Variants in BDP1 observed in about 807,000 individuals in gnomAD.
BDP1 encodes BDP1 general transcription factor IIIB subunit.
BDP1 carries 169 observed loss-of-function variants against 266.6 expected under a neutral mutation model. The ratio of observed to expected loss-of-function variants is 0.63; its 90% confidence interval spans 0.56 to 0.72. BDP1 has a LOEUF of 0.72. BDP1 is among the 30% of genes least tolerant of loss of function. BDP1 has a pLI of 0.00. For missense variants in BDP1, 3,015 were observed against 3,053.8 expected, an observed-to-expected ratio of 0.99 and a Z score of 0.30; for synonymous variants, 1,090 against 1,022.4, an observed-to-expected ratio of 1.07 and a Z score of -1.26.
intron 13 of BDP1, among the ~76,000 whole-genome samples, chr5:71,500,395 G>C (rs1255473066): frequency 7.3e-6 from 1 of 137,238 alleles, no homozygotes; most frequent in East Asian, 2.1e-4. Flanking sequence ...TGTGATTTCG[G>C]CTCACAGCAA....
chr5:71,533,647 A>G lies in BDP1; in HGVS notation c.5892+1220A>G, dbSNP rs575285082. ...TGCCCAGCTAATTTTTTTTTTTTGT[A>G]GAGGTGGGGTCTTGCTGTGTTGTTC... On this transcript the variant is annotated intron_variant, in intron 26 of 38. Transcript: ENST00000358731. Among the ~76,000 whole-genome samples the G allele has an allele frequency of 9.7e-4, 145 of 149,046 alleles. 2 individuals are homozygous for G. The highest frequency in any genetic ancestry group is 3.0e-3 in the African/African-American group (121 of 40,440).
At chr5:71,460,871 A>G (rs886877726) in intron 2 of BDP1, among the ~76,000 whole-genome samples, 2 of 120,512 alleles carry the variant, frequency 1.7e-5, no homozygotes, top group African/African-American at 2.8e-5. Context: ...AAGTCACTAC[A>G]GGGTAAAAAA....
intron 6 of BDP1, among the ~76,000 whole-genome samples, chr5:71,468,948 A>T (rs1762074128): frequency 6.6e-6 from 1 of 152,168 alleles, no homozygotes; most frequent in African/African-American, 2.4e-5. Flanking sequence ...TCTACCTCAG[A>T]TAATATTGTA....
intron 23 of BDP1, 64 bp downstream of exon 23, chr5:71,522,554 A>G: frequency 7.2e-7 from 1 of 1,379,528 alleles, no homozygotes. Context: ...TGTCAAGATC[A>G]TGAAGAGCAT....
chr5:71,511,164 C>T lies in BDP1; in HGVS notation c.4059+13C>T. 6.3e-7 allele frequency: 1 copy of T among 1,582,986 alleles called. No individual in the cohort carries two copies. Among genetic ancestry groups the T allele is most frequent in the South Asian group, 1.2e-5 (1 of 85,250 alleles). On this transcript the variant is annotated intron_variant, in intron 17 of 38. Transcript: ENST00000358731. ...ACTAGATATTCAGGTATGTATTTTT[C>T]TGTCCTTTAAAAGTTTTTTGAATGC...
In BDP1 at chr5:71,501,567, C is replaced by G; in HGVS notation, c.1962C>G (p.His654Gln). ...GTAGCAAATTAAATTCACAGAACCA[C>G]GTGGAAAAAGATAAAATGAATACAT... ...SHSKTSVEKN[H>Q]VEKDKMNTLD... The change falls in exon 14 of 39, where the codon CAC (histidine) becomes CAG (glutamine). Residue 654 changes from histidine (H) to glutamine (Q), a missense_variant. Physicochemically the swap from His to Gln is conservative, Grantham distance 24 (BLOSUM62 0). Coordinates refer to ENST00000358731, the MANE Select transcript of BDP1 (RefSeq NM_018429.3). 2 of 1,567,640 alleles carry G rather than the reference C, an allele frequency of 1.3e-6. No homozygotes were observed. The highest frequency in any genetic ancestry group is 2.2e-5 in the East Asian group (1 of 44,474).
intron 37 of BDP1, 69 bp downstream of exon 37, chr5:71,560,306 A>T: frequency 6.7e-7 from 1 of 1,481,770 alleles, no homozygotes; most frequent in East Asian, 2.3e-5. Flanking sequence ...TACAGAACAG[A>T]TTAGATCCAG....
chr5:71,524,633 A>T (rs898369459), intron 25 of BDP1, among the ~76,000 whole-genome samples: 14 of 129,584 alleles, frequency 1.1e-4, no homozygotes, highest in South Asian at 8.4e-4. Flanking sequence ...TTATTTATTT[A>T]TTTTTTATTT....
In BDP1 at chr5:71,539,425, G is replaced by T. The variant is rs7726942; in HGVS notation, c.5930-132G>T. Reference sequence around the variant, plus strand: ...ATAACCTGAACAAAAGACTACCTTAGTAAGGGATTAATGGCTCAGAGGATA... The same window carrying T: ...ATAACCTGAACAAAAGACTACCTTATTAAGGGATTAATGGCTCAGAGGATA... On this transcript the variant is annotated intron_variant, in intron 27 of 38. Coordinates refer to ENST00000358731, the MANE Select transcript of BDP1 (RefSeq NM_018429.3). The T allele has an allele frequency of 9.1e-6, 6 of 657,602 alleles. No homozygotes were observed. In the African/African-American group the frequency reaches 1.1e-4, roughly 12 times the overall value. 40.7% of individuals were successfully genotyped at this position (657,602 alleles called of 1,614,324 possible).
Position 71,523,843 on chromosome 5 carries a change from A to C in BDP1, c.5388-96A>C, listed in dbSNP as rs1765631683. 3 of 1,256,188 alleles carry C rather than the reference A, an allele frequency of 2.4e-6. No homozygotes were observed. In the East Asian group the frequency reaches 7.0e-5, roughly 29 times the overall value. The allele number at this position is 1,256,188 out of a possible 1,614,324, so 77.8% of individuals were successfully genotyped here. On this transcript the variant is annotated intron_variant, in intron 24 of 38. Coordinates refer to ENST00000358731, the MANE Select transcript of BDP1 (RefSeq NM_018429.3). ...ATGGGTGGTGGGAATTTTCATTTTA[A>C]TGACTGGAACTGGAATTTCACTCTA...
chr5:71,495,888 G>A (rs1763857885), intron 12 of BDP1, among the ~76,000 whole-genome samples: 1 of 152,148 alleles, frequency 6.6e-6, no homozygotes, highest in Non-Finnish European at 1.5e-5. Context: ...GTATCTGAAA[G>A]TTTTATACTT....
In BDP1 at chr5:71,488,992, G is replaced by A. The variant is rs1035857806; in HGVS notation, c.1214-412G>A. Reference sequence around the variant, plus strand: ...CAAAGTGCTGGGATTACAGGTGTGAGCCACCATGCCCAGCCTGTATTAAAT... The same window carrying A: ...CAAAGTGCTGGGATTACAGGTGTGAACCACCATGCCCAGCCTGTATTAAAT... On this transcript the variant is annotated intron_variant, in intron 9 of 38. Transcript: ENST00000358731. Among the ~76,000 whole-genome samples the A allele has an allele frequency of 6.9e-4, 105 of 152,326 alleles. 1 individual carries two copies. The highest frequency in any genetic ancestry group is 2.3e-3 in the African/African-American group (95 of 41,572).
At chr5:71,505,470 G>A (rs1275168331) in intron 16 of BDP1, among the ~76,000 whole-genome samples, 1 of 152,048 alleles carries the variant, frequency 6.6e-6, no homozygotes. Flanking sequence ...AACCCATACT[G>A]CTTATAGTCA....
intron 7 of BDP1, among the ~76,000 whole-genome samples, chr5:71,474,452 G>T (rs189299360): frequency 6.6e-6 from 1 of 151,756 alleles, no homozygotes; most frequent in East Asian, 1.9e-4. Flanking sequence ...CTCCCAAGAA[G>T]TTGGGACTAT....
intron 6 of BDP1, among the ~76,000 whole-genome samples, chr5:71,468,670 G>A (rs1762057700): frequency 2.0e-5 from 3 of 147,690 alleles, no homozygotes; most frequent in South Asian, 4.3e-4. Context: ...GCGGTGGCGC[G>A]ATCTCGGCTC....
At chr5:71,457,375 G>T (rs1195159258) in intron 1 of BDP1, among the ~76,000 whole-genome samples, 1 of 147,224 alleles carries the variant, frequency 6.8e-6, no homozygotes, top group African/African-American at 2.5e-5. Flanking sequence ...AGGCTGAAGT[G>T]CAGTGGTACG....
At chr5:71,564,001 T>C (rs1743859290) in intron 38 of BDP1, among the ~76,000 whole-genome samples, 1 of 152,240 alleles carries the variant, frequency 6.6e-6, no homozygotes, top group Admixed American at 6.5e-5. Flanking sequence ...TTTTAAAAAA[T>C]ACTTTTACAT....
At chr5:71,554,552 G>A (rs1580213966) in intron 35 of BDP1, among the ~76,000 whole-genome samples, 1 of 152,140 alleles carries the variant, frequency 6.6e-6, no homozygotes. Context: ...AGCATTCCAT[G>A]CAGACATTAT....
At chr5:71,498,198 CT>C (rs1232731562) in intron 13 of BDP1, among the ~76,000 whole-genome samples, 4 of 152,130 alleles carry the variant, frequency 2.6e-5, no homozygotes, top group African/African-American at 9.7e-5. Context: ...GATCTGCCTG[CT>C]TTGGCCTCCC....
Sources: allele counts gnomAD v4.1 joint callset (sites outside exome capture counted in the v4.1 genomes callset), GRCh38; gene constraint gnomAD v4.1.1; transcripts MANE v1.5; gene names NCBI Gene and HGNC (gene_info 2026-07-23, HGNC 2026-07-21).